Variants in VPS4B observed in about 807,000 individuals in gnomAD.
VPS4B encodes vacuolar protein sorting 4 homolog B.
VPS4B carries 23 observed loss-of-function variants against 56.1 expected under a neutral mutation model. That is an observed-to-expected ratio of 0.41 (90% CI 0.30 to 0.58). The LOEUF (loss-of-function observed/expected upper bound fraction) is 0.58. Ranked by LOEUF, VPS4B falls within the 20% of genes least tolerant of loss-of-function variation. The pLI is 0.29. For synonymous variants in VPS4B, 177 were observed against 186.0 expected, an observed-to-expected ratio of 0.95 and a Z score of 0.39; for missense variants, 372 against 531.9, an observed-to-expected ratio of 0.70 and a Z score of 2.96.
In VPS4B at chr18:63,415,790, C is replaced by T. The variant is rs954637743; in HGVS notation, c.28-4212G>A. The T allele has an allele frequency of 1.9e-5, 4 of 214,320 alleles. No individual in the cohort carries two copies. The East Asian group carries it at 5.0e-4, about 27-fold the overall frequency. The allele number at this position is 214,320 out of a possible 1,614,324, so 13.3% of individuals were successfully genotyped here. On this transcript the variant is annotated intron_variant, in intron 1 of 10. Coordinates refer to ENST00000238497, the MANE Select transcript of VPS4B (RefSeq NM_004869.4). ...AACAGCTCCCTCACCATTCTTGGCC[C>T]TTCCCCGATGAATTTCTATACAAAT...
intron 8 of VPS4B, 131 bp from the exon 9 acceptor site, chr18:63,397,384 T>C: frequency 1.3e-6 from 1 of 778,386 alleles, no homozygotes; most frequent in Non-Finnish European, 1.9e-6. Flanking sequence ...AAAGGGATAA[T>C]ATCCAGAACA....
At chr18:63,411,727 GTAAC>G in intron 1 of VPS4B, 149 bp from the exon 2 acceptor site, 1 of 456,402 alleles carries the variant, frequency 2.2e-6, no homozygotes, top group South Asian at 6.3e-5. Context: ...AAAATAAACA[GTAAC>G]TAAAAAATCA....
chr18:63,415,322 ATAGTTTC>A (rs1465135329), intron 1 of VPS4B: 1 of 173,972 alleles, frequency 5.7e-6, no homozygotes, highest in Non-Finnish European at 1.2e-5. Flanking sequence ...CCGCACTTCC[ATAGTTTC>A]TTGATGGACA....
At chr18:63,412,503 A>G (rs1916066128) in intron 1 of VPS4B, among the ~76,000 whole-genome samples, 1 of 152,206 alleles carries the variant, frequency 6.6e-6, no homozygotes, top group Non-Finnish European at 1.5e-5. Flanking sequence ...TAAAGCCAAG[A>G]GATTTTTGAA....
At chr18:63,406,966 A>G (rs1915932081) in intron 4 of VPS4B, among the ~76,000 whole-genome samples, 1 of 152,382 alleles carries the variant, frequency 6.6e-6, no homozygotes, top group East Asian at 1.9e-4. Context: ...TTAAACAATT[A>G]AATGTAAACA....
At chr18:63,400,751 T>G (rs1284676640) in intron 5 of VPS4B, 48 bp from the exon 6 acceptor site, 5 of 1,550,534 alleles carry the variant, frequency 3.2e-6, no homozygotes, top group Non-Finnish European at 4.4e-6. Context: ...AACACTTAAT[T>G]GTATCATCTA....
At position 63,397,029 on chromosome 18, in the gene VPS4B, C is replaced by T; in HGVS notation, c.1092+5G>A. ...GATAGGAAAGGATAGATAAAAATGA[C>T]TTACCTTTTTAAAATGAGTAGCTGA... On this transcript the variant is annotated splice_donor_5th_base_variant and intron_variant, in intron 9 of 10. Transcript: ENST00000238497. 6.3e-7 allele frequency: 1 copy of T among 1,595,656 alleles called. No individual in the cohort carries two copies. The highest frequency in any genetic ancestry group is 1.3e-5 in the African/African-American group (1 of 74,374).
chr18:63,421,280 TTGAG>T (rs1429667076), intron 1 of VPS4B, among the ~76,000 whole-genome samples: 1 of 152,222 alleles, frequency 6.6e-6, no homozygotes, highest in African/African-American at 2.4e-5. Context: ...TGGGTCTACT[TTGAG>T]TGGTCTTTCT....
chr18:63,402,444 G>A (rs1433598148), intron 5 of VPS4B, among the ~76,000 whole-genome samples: 3 of 152,146 alleles, frequency 2.0e-5, no homozygotes, highest in Non-Finnish European at 2.9e-5. Flanking sequence ...CAGGTCCCTG[G>A]CAATGCTGTT....
intron 5 of VPS4B, 53 bp downstream of exon 5, chr18:63,403,654 A>G (rs1915858345): frequency 6.5e-7 from 1 of 1,535,094 alleles, no homozygotes; most frequent in Non-Finnish European, 8.8e-7. Context: ...CACCTCAGTC[A>G]TCAATGAACT....
At position 63,391,025 on chromosome 18, in the gene VPS4B, C is replaced by A; in HGVS notation, c.1285G>T (p.Asp429Tyr). ...GTAAACTTCTTTAATTTCAACAAGT[C>A]ATGTTCATTGACTGTAGGTTTTGTG... ...SNTKPTVNEH[D>Y]LLKLKKFTED... The change falls in exon 11 of 11, where the codon GAC (aspartate) becomes TAC (tyrosine). Residue 429 changes from aspartate to tyrosine, a missense_variant. Around this residue, in one of 3 missense-constraint regions of VPS4B, gnomAD observed 153 missense variants for 190.9 expected, o/e 0.80. Transcript: ENST00000238497. 1 of 1,613,620 alleles carries A rather than the reference C, an allele frequency of 6.2e-7. No homozygotes were observed. The highest frequency in any genetic ancestry group is 1.1e-5 in the South Asian group (1 of 91,000).
intron 1 of VPS4B, 46 bp from the exon 2 acceptor site, chr18:63,411,624 C>A (rs754325506): frequency 2.2e-6 from 3 of 1,368,482 alleles, no homozygotes; most frequent in South Asian, 1.6e-5. Context: ...AAAGCATAAA[C>A]ATAAATTTGA....
chr18:63,414,856 C>T (rs551065544), intron 1 of VPS4B, among the ~76,000 whole-genome samples: 2 of 152,364 alleles, frequency 1.3e-5, no homozygotes, highest in East Asian at 3.9e-4. Flanking sequence ...TGAGGCACCA[C>T]ACTGATTTTT....
intron 5 of VPS4B, among the ~76,000 whole-genome samples, chr18:63,403,285 A>G (rs771134359): frequency 2.6e-5 from 4 of 152,224 alleles, no homozygotes; most frequent in Non-Finnish European, 4.4e-5. Context: ...TAATATTTCT[A>G]TGTGAATCTA....
At chr18:63,391,223 C>T in intron 10 of VPS4B, 147 bp from the exon 11 acceptor site, 1 of 567,440 alleles carries the variant, frequency 1.8e-6, no homozygotes. Context: ...ACGATAAACT[C>T]CCTATTCTTT....
At chr18:63,394,512 G>A (rs1915627214) in intron 9 of VPS4B, among the ~76,000 whole-genome samples, 1 of 151,860 alleles carries the variant, frequency 6.6e-6, no homozygotes, top group Non-Finnish European at 1.5e-5. Flanking sequence ...TGTAGCCCAG[G>A]CTGGAGGGCA....
At chr18:63,393,299 A>C in intron 10 of VPS4B, 110 bp downstream of exon 10, 1 of 1,016,196 alleles carries the variant, frequency 9.8e-7, no homozygotes, top group Non-Finnish European at 1.3e-6. Context: ...AACAATATTA[A>C]GTAAAATACA....
intron 4 of VPS4B, among the ~76,000 whole-genome samples, chr18:63,406,788 G>A (rs542288980): frequency 1.3e-5 from 2 of 152,330 alleles, no homozygotes; most frequent in African/African-American, 4.8e-5. Context: ...CGCTGGTTCT[G>A]AGAGATTCAG....
At position 63,407,515 on chromosome 18, in the gene VPS4B, T is replaced by G; in HGVS notation, c.297-16A>C. On this transcript the variant is annotated splice_polypyrimidine_tract_variant and intron_variant, in intron 3 of 10. Coordinates refer to ENST00000238497, the MANE Select transcript of VPS4B (RefSeq NM_004869.4). ...ACTGTCATTCCTAATAAAAAGAATT[T>G]AATATATTCAAATGATCACTCATTG... The G allele has an allele frequency of 1.3e-6, 2 of 1,585,524 alleles. No individual in the cohort carries two copies. The highest frequency in any genetic ancestry group is 1.7e-6 in the Non-Finnish European group (2 of 1,165,696).
Sources: allele counts gnomAD v4.1 joint callset (sites outside exome capture counted in the v4.1 genomes callset), GRCh38; gene constraint gnomAD v4.1.1; regional missense constraint gnomAD v4.1.1; transcripts MANE v1.5; gene names NCBI Gene and HGNC (gene_info 2026-07-23, HGNC 2026-07-21).